Variants in KRAS observed in about 807,000 individuals in gnomAD.
KRAS encodes the protein GTPase KRas.
KRAS carries 1 observed loss-of-function variant against 21.0 expected under a neutral mutation model. That is an observed-to-expected ratio of 0.05 (90% CI 0.02 to 0.23). KRAS has a LOEUF of 0.23. Among genes scored for constraint, KRAS ranks in the 10% least tolerant of loss-of-function variants. The pLI is 1.00. For missense variants in KRAS, 107 were observed against 221.8 expected, an observed-to-expected ratio of 0.48 and a Z score of 3.29; for synonymous variants, 67 against 72.5, an observed-to-expected ratio of 0.92 and a Z score of 0.39.
At chr12:25,213,287 C>T (rs988876002) in intron 4 of KRAS, among the ~76,000 whole-genome samples, 3 of 152,036 alleles carry the variant, frequency 2.0e-5, no homozygotes, top group African/African-American at 7.2e-5. Flanking sequence ...TAAATTAGAG[C>T]ATAACACTTA....
intron 1 of KRAS, among the ~76,000 whole-genome samples, chr12:25,246,126 C>A (rs1281790502): frequency 8.5e-6 from 1 of 117,500 alleles, no homozygotes; most frequent in Non-Finnish European, 1.6e-5. Context: ...TCCAGCCTGG[C>A]GATAGAGCAA....
chr12:25,221,762 C>T (rs937659401), intron 4 of KRAS, among the ~76,000 whole-genome samples: 3 of 152,008 alleles, frequency 2.0e-5, no homozygotes, highest in Non-Finnish European at 2.9e-5. Flanking sequence ...TGGGTGTTTA[C>T]GTGTTTTAGG....
intron 1 of KRAS, 132 bp from the exon 2 acceptor site, chr12:25,245,527 T>A: frequency 1.0e-6 from 1 of 957,864 alleles, no homozygotes; most frequent in Non-Finnish European, 1.6e-6. Flanking sequence ...TCAAAATACC[T>A]TACAAAATTC....
intron 2 of KRAS, among the ~76,000 whole-genome samples, chr12:25,236,555 T>G (rs1266409736): frequency 1.3e-5 from 2 of 152,016 alleles, no homozygotes; most frequent in African/African-American, 4.8e-5. Context: ...ATTAGTTCTC[T>G]GTGCTGAAAT....
intron 4 of KRAS, chr12:25,210,872 CTCTCAA>C (rs1951194058): frequency 1.6e-5 from 2 of 125,196 alleles, no homozygotes; most frequent in Non-Finnish European, 3.6e-5. Flanking sequence ...AAAAATGGCA[CTCTCAA>C]ACTGGTAGTA....
At chr12:25,250,560 C>T (rs935108187) in intron 1 of KRAS, among the ~76,000 whole-genome samples, 191 bp downstream of exon 1, 1 of 152,162 alleles carries the variant, frequency 6.6e-6, no homozygotes, top group African/African-American at 2.4e-5. Flanking sequence ...TCCTCACTCC[C>T]CGCGCCGCCG....
intron 4 of KRAS, among the ~76,000 whole-genome samples, chr12:25,216,093 C>T (rs12578773): frequency 0.49 from 74,909 of 151,998 alleles, 19,402 homozygotes; most frequent in East Asian, 0.8. Context: ...TGAGTTTTAT[C>T]TTAAATTTTA....
rs1395438272 is a variant in KRAS at position 25,209,219 on chromosome 12, G to A, written c.*576C>T. The A allele has an allele frequency of 2.9e-6, 2 of 680,698 alleles. No individual in the cohort carries two copies. 42.2% of individuals were successfully genotyped at this position (680,698 alleles called of 1,614,324 possible). ...GAAAAAATATAATATTTTGGGGAGA[G>A]TGACCATGACTAATAGCAGTGGAAA... On this transcript the variant is annotated 3_prime_UTR_variant, in exon 5 of 5. Coordinates refer to ENST00000311936, the MANE Select transcript of KRAS (RefSeq NM_004985.5).
chr12:25,215,911 C>T (rs1951249820), intron 4 of KRAS, among the ~76,000 whole-genome samples: 1 of 152,142 alleles, frequency 6.6e-6, no homozygotes, highest in South Asian at 2.1e-4. Flanking sequence ...CTGAAGTTAG[C>T]TTTAAATTAC....
intron 4 of KRAS, among the ~76,000 whole-genome samples, chr12:25,221,328 G>T (rs925961279): frequency 1.3e-5 from 2 of 151,536 alleles, no homozygotes; most frequent in Non-Finnish European, 2.9e-5. Flanking sequence ...TGCCTCTCAG[G>T]TTCAAGCAAT....
chr12:25,224,967 T>C (rs1438751494), intron 4 of KRAS: 2 of 152,254 alleles, frequency 1.3e-5, no homozygotes, highest in East Asian at 3.8e-4. Flanking sequence ...ACAGGTTAAA[T>C]AATAGCAACT....
intron 4 of KRAS, among the ~76,000 whole-genome samples, chr12:25,220,543 A>G (rs905713833): frequency 6.6e-6 from 1 of 152,130 alleles, no homozygotes; most frequent in Non-Finnish European, 1.5e-5. Context: ...ATTGGCCAAC[A>G]TGGTGAAACC....
chr12:25,234,536 G>A (rs1951519557), intron 2 of KRAS: 1 of 185,002 alleles, frequency 5.4e-6, no homozygotes, highest in South Asian at 2.0e-4. Flanking sequence ...TCTTTGAGGA[G>A]TAATAATGTT....
intron 2 of KRAS, among the ~76,000 whole-genome samples, chr12:25,239,704 G>C (rs1951587626): frequency 6.6e-6 from 1 of 152,148 alleles, no homozygotes; most frequent in African/African-American, 2.4e-5. Flanking sequence ...AAACGGTCTA[G>C]AAGCAGTGAC....
chr12:25,213,353 A>T (rs1255047332), intron 4 of KRAS, among the ~76,000 whole-genome samples: 1 of 152,200 alleles, frequency 6.6e-6, no homozygotes, highest in African/African-American at 2.4e-5. Flanking sequence ...CAATAGGAGG[A>T]GAAAATAAAA....
chr12:25,248,814 A>G (rs1182034091), intron 1 of KRAS, among the ~76,000 whole-genome samples: 2 of 152,138 alleles, frequency 1.3e-5, no homozygotes, highest in East Asian at 1.9e-4. Context: ...TTTATTTTTC[A>G]TAAAACTGAA....
In KRAS at chr12:25,209,620, A is replaced by C; in HGVS notation, c.*175T>G. 7.4e-7 allele frequency: 1 copy of C among 1,352,262 alleles called. No individual in the cohort carries two copies. Among genetic ancestry groups the C allele is most frequent in the Non-Finnish European group, 9.5e-7 (1 of 1,053,090 alleles). The allele number at this position is 1,352,262 out of a possible 1,614,324, so 83.8% of individuals were successfully genotyped here. On this transcript the variant is annotated 3_prime_UTR_variant, in exon 5 of 5. Coordinates refer to ENST00000311936, the MANE Select transcript of KRAS (RefSeq NM_004985.5). ...AAACTCTGGGAATACTGGCACTTAG[A>C]GGAAAAAAAAACTTCCACTGTCATT... is the stretch of plus-strand genomic sequence containing the variant.
intron 4 of KRAS, among the ~76,000 whole-genome samples, chr12:25,221,296 G>C (rs1323347204): frequency 6.8e-6 from 1 of 146,964 alleles, no homozygotes; most frequent in Non-Finnish European, 1.5e-5. Flanking sequence ...GCACTGGCTT[G>C]ATCTGGGCTC....
chr12:25,238,292 C>A (rs1176570196), intron 2 of KRAS, among the ~76,000 whole-genome samples: 2 of 152,096 alleles, frequency 1.3e-5, no homozygotes, highest in East Asian at 1.9e-4. Flanking sequence ...ACATGTGTAA[C>A]CTGTTCAAGT....
Sources: allele counts gnomAD v4.1 joint callset (sites outside exome capture counted in the v4.1 genomes callset), GRCh38; gene constraint gnomAD v4.1.1; transcripts MANE v1.5; gene names NCBI Gene and HGNC (gene_info 2026-07-23, HGNC 2026-07-21).